PRKCH: variants seen among roughly 807,000 people sequenced by gnomAD.
The protein encoded by PRKCH is protein kinase C eta.
A neutral mutation model predicts 82.5 loss-of-function variants in PRKCH; 28 were observed. The ratio of observed to expected loss-of-function variants is 0.34; its 90% confidence interval spans 0.25 to 0.47. PRKCH has a LOEUF of 0.47. PRKCH is among the 20% of genes least tolerant of loss of function. The pLI is 1.00. For missense variants in PRKCH, 705 were observed against 881.8 expected, an observed-to-expected ratio of 0.80 and a Z score of 2.54; for synonymous variants, 322 against 327.4, an observed-to-expected ratio of 0.98 and a Z score of 0.18.
At chr14:61,491,913 G>C (rs1886464756) in intron 10 of PRKCH, among the ~76,000 whole-genome samples, 1 of 152,220 alleles carries the variant, frequency 6.6e-6, no homozygotes, top group Admixed American at 6.5e-5. Context: ...ACCATGACTA[G>C]TGCTATGAAG....
intron 10 of PRKCH, among the ~76,000 whole-genome samples, chr14:61,494,006 A>T: frequency 6.6e-6 from 1 of 152,180 alleles, no homozygotes; most frequent in East Asian, 1.9e-4. Context: ...AGGAGAGATC[A>T]TGTGCCTAGG....
intron 1 of PRKCH, among the ~76,000 whole-genome samples, chr14:61,261,377 C>G (rs2045042522): frequency 2.0e-5 from 3 of 152,206 alleles, no homozygotes; most frequent in African/African-American, 7.2e-5. Context: ...AGGCATTTCT[C>G]TTTACAGCCA....
At chr14:61,413,983 CT>C (rs1882421935) in intron 2 of PRKCH, among the ~76,000 whole-genome samples, 1 of 152,164 alleles carries the variant, frequency 6.6e-6, no homozygotes, top group Admixed American at 6.5e-5. Context: ...AGAGCCCACA[CT>C]TTTTGACTTC....
rs1400497169 is a variant in PRKCH, at chr14:61,443,105, A to T, written c.428-6A>T. 2 of 1,611,790 alleles carry T rather than the reference A, an allele frequency of 1.2e-6. No individual in the cohort carries two copies. The highest frequency in any genetic ancestry group is 1.3e-5 in the African/African-American group (1 of 74,802). ...TATTCTTTTTTTCCTTCCTTTTAAT[A>T]TATAGCTACTCTCCAGAGAGACCGG... On this transcript the variant is annotated splice_region_variant and splice_polypyrimidine_tract_variant and intron_variant, in intron 2 of 13. Transcript: ENST00000332981.
In PRKCH at chr14:61,280,601, C is replaced by T. The variant is rs1209981122; in HGVS notation, c.-19+92933C>T. On this transcript the variant is annotated intron_variant, in intron 1 of 3. Transcript: ENST00000555185. The surrounding 1 kb of genome is among the most constrained non-coding windows in gnomAD (Gnocchi z 5.0). ...AGCGGCACCTCGACGTAGGGCCCGC[C>T]GGGCTGGCGCTGGTGCCAAAGCGAG... 1.3e-6 allele frequency: 2 copies of T among 1,588,590 alleles called. No individual in the cohort carries two copies. Among genetic ancestry groups the T allele is most frequent in the Admixed American group, 1.8e-5 (1 of 55,412 alleles).
intron 2 of PRKCH, among the ~76,000 whole-genome samples, chr14:61,422,899 G>T (rs184496641): frequency 6.6e-6 from 1 of 152,144 alleles, no homozygotes; most frequent in Admixed American, 6.5e-5. Context: ...CCACATACTT[G>T]ATCTCATTCA....
intron 1 of PRKCH, among the ~76,000 whole-genome samples, chr14:61,211,865 A>G (rs1431903533): frequency 6.6e-6 from 1 of 152,220 alleles, no homozygotes; most frequent in Admixed American, 6.5e-5. Context: ...TCAGAGTGGA[A>G]AAAATGACAA....
intron 1 of PRKCH, among the ~76,000 whole-genome samples, chr14:61,253,523 G>C (rs1026785668): frequency 6.6e-6 from 1 of 151,912 alleles, no homozygotes; most frequent in African/African-American, 2.4e-5. Context: ...GGGGTGGGGG[G>C]CAGGGAGAGT....
upstream of PRKCH, among the ~76,000 whole-genome samples, chr14:61,319,154 C>T (rs1302322374): frequency 1.3e-5 from 2 of 152,180 alleles, no homozygotes; most frequent in African/African-American, 2.4e-5. Context: ...CCACTCTCCC[C>T]TCACCTTCCT....
chr14:61,521,399 A>C (rs1177735121), intron 10 of PRKCH, among the ~76,000 whole-genome samples: 1 of 152,090 alleles, frequency 6.6e-6, no homozygotes, highest in Non-Finnish European at 1.5e-5. Context: ...CTTTTTTTCA[A>C]ATTATATATG....
At chr14:61,258,439 A>AT (rs924657087) in intron 1 of PRKCH, among the ~76,000 whole-genome samples, 6 of 152,062 alleles carry the variant, frequency 3.9e-5, no homozygotes, top group East Asian at 3.8e-4. Context: ...ATCCCCTTTT[A>AT]TTTTTTTCCC....
chr14:61,284,299 A>G (rs2045296291), intron 1 of PRKCH, among the ~76,000 whole-genome samples: 1 of 152,246 alleles, frequency 6.6e-6, no homozygotes, highest in Non-Finnish European at 1.5e-5. Context: ...AATTCAAGGT[A>G]TTGCAGTCCT....
chr14:61,268,922 C>CAT (rs1220693248), intron 1 of PRKCH, among the ~76,000 whole-genome samples: 7 of 152,198 alleles, frequency 4.6e-5, no homozygotes, highest in Admixed American at 6.5e-5. Context: ...GAGTCAGTTT[C>CAT]ATACAGTTCC....
Position 61,266,355 on chromosome 14 carries a change from T to A in PRKCH, c.-19+78687T>A, listed in dbSNP as rs2045100857. ...ATCACTTGAACCTGGGAGGCAGAGG[T>A]TGCAGTGAGCTGAGATTGTGCCACT... On this transcript the variant is annotated intron_variant, in intron 1 of 3. Transcript: ENST00000555185. Among the ~76,000 whole-genome samples, 8 of 151,998 alleles carry A rather than the reference T, an allele frequency of 5.3e-5. No homozygotes were observed. In the South Asian group the frequency reaches 1.7e-3, roughly 32 times the overall value.
rs575456220 is a variant in PRKCH, at chr14:61,264,619, TA to T, written c.-19+76952del. 7.4e-3 allele frequency among the ~76,000 whole-genome samples: 1,131 copies of T among 152,338 alleles called. 12 individuals are homozygous for T. Among genetic ancestry groups the T allele is most frequent in the Middle Eastern group, 0.02 (6 of 294 alleles). ...TTACAAATCAATATTAGCCAAATTT[TA>T]TAAATGGGGAGTTGAAAGCACATAG... On this transcript the variant is annotated intron_variant, in intron 1 of 3. Transcript: ENST00000555185.
At chr14:61,452,506 C>A (rs1361566178) in intron 6 of PRKCH, among the ~76,000 whole-genome samples, 2 of 152,224 alleles carry the variant, frequency 1.3e-5, no homozygotes, top group Non-Finnish European at 2.9e-5. Context: ...CGCCTCAGAT[C>A]CTTCATTGTC....
chr14:61,376,137 CTG>C (rs1404350149), intron 1 of PRKCH, among the ~76,000 whole-genome samples: 1 of 151,996 alleles, frequency 6.6e-6, no homozygotes, highest in East Asian at 1.9e-4. Context: ...CTCCAGATGA[CTG>C]TGCAATATAA....
At chr14:61,226,199 C>A (rs889878028) in intron 1 of PRKCH, among the ~76,000 whole-genome samples, 1 of 152,140 alleles carries the variant, frequency 6.6e-6, no homozygotes, top group African/African-American at 2.4e-5. Flanking sequence ...CATTTATTGG[C>A]CTCCACTCTG....
At chr14:61,454,469 C>T (rs929671086) in intron 7 of PRKCH, among the ~76,000 whole-genome samples, 22 of 152,154 alleles carry the variant, frequency 1.4e-4, no homozygotes, top group Admixed American at 6.5e-4. Context: ...ACCCAGGATC[C>T]TGGGTTATGC....
Sources: allele counts gnomAD v4.1 joint callset (sites outside exome capture counted in the v4.1 genomes callset), GRCh38; gene constraint gnomAD v4.1.1; non-coding constraint Gnocchi (gnomAD v3.1); transcripts MANE v1.5; gene names NCBI Gene and HGNC (gene_info 2026-07-23, HGNC 2026-07-21).